The following AOPEP variants were observed in gnomAD, a reference collection of about 807,000 sequenced individuals.
The protein encoded by AOPEP is aminopeptidase O.
Under a neutral mutation model 98.1 loss-of-function variants are expected in AOPEP, and 77 were observed. That is an observed-to-expected ratio of 0.78 (90% CI 0.65 to 0.95). The LOEUF is 0.95. Ranked by LOEUF, AOPEP falls within the 40% of genes least tolerant of loss-of-function variation. AOPEP has a pLI of 0.00. For missense variants in AOPEP, 1,024 were observed against 1,024.7 expected (o/e 1.00, Z 0.01); for synonymous variants, 346 against 365.3 (o/e 0.95, Z 0.60).
At chr9:95,033,566 C>G (rs780895658) in intron 13 of AOPEP, among the ~76,000 whole-genome samples, 4 of 152,132 alleles carry the variant, frequency 2.6e-5, no homozygotes, top group Non-Finnish European at 5.9e-5. Context: ...TCTAAAGAAG[C>G]TACAGTTCCC....
At chr9:94,825,766 G>A (rs953286744) in intron 5 of AOPEP, among the ~76,000 whole-genome samples, 6 of 152,180 alleles carry the variant, frequency 3.9e-5, no homozygotes, top group African/African-American at 1.4e-4. Flanking sequence ...CATCGGCATG[G>A]TTAAAGTTAA....
At chr9:95,073,338 A>G (rs2068692198) in intron 14 of AOPEP, among the ~76,000 whole-genome samples, 1 of 152,122 alleles carries the variant, frequency 6.6e-6, no homozygotes, top group Admixed American at 6.6e-5. Context: ...ACGAGGGTCC[A>G]GCCTGGAGCA....
At chr9:95,014,471 CAA>C (rs886672341) in intron 13 of AOPEP, among the ~76,000 whole-genome samples, 3 of 136,838 alleles carry the variant, frequency 2.2e-5, no homozygotes, top group Admixed American at 7.3e-5. Flanking sequence ...GACCCTGTTT[CAA>C]AAAAAAAAAA....
At chr9:94,809,450 A>T (rs1415012124) in intron 5 of AOPEP, among the ~76,000 whole-genome samples, 1 of 152,192 alleles carries the variant, frequency 6.6e-6, no homozygotes, top group Admixed American at 6.5e-5. Context: ...CTCAAAACAC[A>T]CTTTGGGAGA....
intron 5 of AOPEP, among the ~76,000 whole-genome samples, chr9:94,861,201 C>T (rs1400890347): frequency 1.3e-5 from 2 of 152,138 alleles, no homozygotes; most frequent in African/African-American, 4.8e-5. Flanking sequence ...CTCGAGGAGG[C>T]TTCATGACGA....
At chr9:94,826,750 T>C (rs1854677213) in intron 5 of AOPEP, among the ~76,000 whole-genome samples, 1 of 152,066 alleles carries the variant, frequency 6.6e-6, no homozygotes, top group Non-Finnish European at 1.5e-5. Flanking sequence ...GAAGAGGTAT[T>C]GGTCATGGTG....
chr9:95,098,293 T>TCAA, the AOPEP span, among the ~76,000 whole-genome samples: 1 of 152,108 alleles, frequency 6.6e-6, no homozygotes, highest in Non-Finnish European at 1.5e-5. Flanking sequence ...CTTCTCCACT[T>TCAA]CAACAGAAAA....
chr9:94,760,854 T>C, intron 2 of AOPEP: 1 of 287,644 alleles, frequency 3.5e-6, no homozygotes, highest in Non-Finnish European at 6.5e-6. Context: ...AATGATGAAA[T>C]CCTGAGCCTC....
At chr9:94,857,252 C>T (rs372348781) in intron 5 of AOPEP, among the ~76,000 whole-genome samples, 3 of 152,160 alleles carry the variant, frequency 2.0e-5, no homozygotes, top group Middle Eastern at 3.2e-3. Context: ...TCATAGAGTT[C>T]GTGTTATGTT....
At chr9:95,076,124 C>T (rs1183526797) in intron 14 of AOPEP, among the ~76,000 whole-genome samples, 1 of 152,248 alleles carries the variant, frequency 6.6e-6, no homozygotes, top group Non-Finnish European at 1.5e-5. Flanking sequence ...TTAGTCCCTT[C>T]CTCAAGTTCT....
chr9:94,877,764 G>T (rs1226294044), intron 5 of AOPEP, among the ~76,000 whole-genome samples: 1 of 152,136 alleles, frequency 6.6e-6, no homozygotes, highest in Non-Finnish European at 1.5e-5. Flanking sequence ...GCAATTACTT[G>T]TATCCATATA....
At chr9:94,880,646 G>A (rs1443696370) in intron 5 of AOPEP, among the ~76,000 whole-genome samples, 1 of 152,174 alleles carries the variant, frequency 6.6e-6, no homozygotes, top group East Asian at 1.9e-4. Flanking sequence ...ATGAGCCATC[G>A]CACCTGGTCC....
intron 11 of AOPEP, among the ~76,000 whole-genome samples, chr9:94,991,451 A>G (rs1340637769): frequency 1.3e-5 from 2 of 152,232 alleles, no homozygotes; most frequent in African/African-American, 4.8e-5. Context: ...GAGCCCCAGG[A>G]GAAGTGTAGT....
At chr9:95,055,229 A>T (rs1319264769) in intron 13 of AOPEP, among the ~76,000 whole-genome samples, 1 of 152,194 alleles carries the variant, frequency 6.6e-6, no homozygotes, top group Non-Finnish European at 1.5e-5. Flanking sequence ...AGAAATGTTT[A>T]TCATTTAAAA....
chr9:94,843,968 G>A (rs1009909290), intron 5 of AOPEP, among the ~76,000 whole-genome samples: 2 of 152,138 alleles, frequency 1.3e-5, no homozygotes, highest in East Asian at 3.8e-4. Context: ...TACTTCATCT[G>A]ACTATATCTG....
the AOPEP span, among the ~76,000 whole-genome samples, chr9:95,125,726 G>C: frequency 2.0e-5 from 3 of 152,160 alleles, no homozygotes; most frequent in Non-Finnish European, 2.9e-5. Context: ...CTGACTACTG[G>C]TGAGTTATTG....
intron 5 of AOPEP, among the ~76,000 whole-genome samples, chr9:94,861,884 C>T (rs1407669008): frequency 2.0e-5 from 3 of 152,350 alleles, no homozygotes; most frequent in East Asian, 1.9e-4. Context: ...GTGAAGGCTG[C>T]ACTACGTCTT....
chr9:94,928,105 C>G (rs778922723), intron 6 of AOPEP, among the ~76,000 whole-genome samples: 3 of 152,138 alleles, frequency 2.0e-5, no homozygotes, highest in African/African-American at 7.2e-5. Context: ...GAGGACAGAT[C>G]AAAGTGGAAA....
chr9:94,796,596 G>T (rs1846988098), intron 4 of AOPEP, among the ~76,000 whole-genome samples: 1 of 152,168 alleles, frequency 6.6e-6, no homozygotes, highest in Non-Finnish European at 1.5e-5. Flanking sequence ...CTATACCACA[G>T]GTTTTCATTT....
Sources: gnomAD v4.1 joint callset for allele counts (sites outside exome capture counted in the v4.1 genomes callset) on GRCh38, gnomAD v4.1.1 for gene constraint, MANE v1.5 for transcripts, NCBI Gene and HGNC (gene_info 2026-07-23, HGNC 2026-07-21) for gene names.